L1TD1: variants seen among roughly 807,000 people sequenced by gnomAD.
L1TD1 encodes LINE-1 type transposase domain-containing protein 1.
In L1TD1, 26 loss-of-function variants were observed where a neutral mutation model predicts 25.7. The observed-to-expected ratio is 1.01, with a 90% CI of 0.74 to 1.40. L1TD1 has a LOEUF of 1.40. Ranked by LOEUF, L1TD1 falls within the 40% of genes most tolerant of loss-of-function variation. The pLI is 0.00. For missense variants in L1TD1, 1,130 were observed against 975.0 expected (o/e 1.16, Z -2.12); for synonymous variants, 421 against 335.6 (o/e 1.25, Z -2.78).
At chr1:62,205,389 T>TCTCTCTC (rs1670718755) in intron 2 of L1TD1, among the ~76,000 whole-genome samples, 35 of 60,276 alleles carry the variant, frequency 5.8e-4, no homozygotes, top group African/African-American at 2.0e-3. Flanking sequence ...CTCTCTCTCT[T>TCTCTCTC]TCTCTCTCTC....
At chr1:62,207,806 A>G (rs1670782821) in intron 3 of L1TD1, among the ~76,000 whole-genome samples, 170 bp downstream of exon 3, 2 of 152,056 alleles carry the variant, frequency 1.3e-5, no homozygotes, top group Admixed American at 1.3e-4. Context: ...TCTGCCTCCC[A>G]GGTTCAAGTG....
intron 2 of L1TD1, among the ~76,000 whole-genome samples, chr1:62,199,575 G>C (rs997671715): frequency 6.6e-6 from 1 of 151,342 alleles, no homozygotes; most frequent in African/African-American, 2.4e-5. Flanking sequence ...GTAATTTTCA[G>C]TTTTAAGCCA....
In L1TD1 at chr1:62,206,965, A is replaced by G. The variant is rs146320917; in HGVS notation, c.337A>G (p.Thr113Ala). 100 of 1,613,654 alleles carry G rather than the reference A, an allele frequency of 6.2e-5. No individual in the cohort carries two copies. In the African/African-American group the frequency reaches 1.2e-3, roughly 20 times the overall value. Residue 113 changes from threonine (T) to alanine (A), a missense_variant, in exon 3 of 4, where the codon ACA (threonine) becomes GCA (alanine). By Grantham distance (58) the Thr-to-Ala change is moderately conservative. Transcript: ENST00000498273. ...AATAATCAATTTAGCATTACAAAAA[A>G]CAGGGATGGTAGGGAAAATAGAAGG... is the stretch of plus-strand genomic sequence containing the variant. ...QQIINLALQK[T>A]GMVGKIEGEN...
At chr1:62,203,786 G>A (rs905506280) in intron 2 of L1TD1, among the ~76,000 whole-genome samples, 14 of 152,116 alleles carry the variant, frequency 9.2e-5, no homozygotes, top group Non-Finnish European at 1.6e-4. Flanking sequence ...GGGTTTCACC[G>A]TATTAGCCAG....
chr1:62,200,714 A>T (rs1041260683), intron 2 of L1TD1, among the ~76,000 whole-genome samples: 1 of 151,962 alleles, frequency 6.6e-6, no homozygotes, highest in Non-Finnish European at 1.5e-5. Flanking sequence ...AGGGGAGAGT[A>T]TATGTATTAT....
In L1TD1 at chr1:62,210,282, C is replaced by A; in HGVS notation, c.1508C>A (p.Ser503Ter). The change falls in exon 4 of 4, where the codon TCA becomes TAA. Residue 503 changes from serine to a stop codon, truncating the protein, a stop_gained. Transcript: ENST00000498273. LOFTEE classifies it low-confidence loss of function (END_TRUNC). ...KTTSLTEKKA[S>*]RRQKEIPFSY... ...ACCTCCCTGACTGAGAAAAAAGCCT[C>A]ACGTAGACAAAAAGAAATTCCCTTT... 9 of 1,614,056 alleles carry A rather than the reference C, an allele frequency of 5.6e-6. No homozygotes were observed. The highest frequency in any genetic ancestry group is 7.6e-6 in the Non-Finnish European group (9 of 1,180,004).
chr1:62,199,323 C>T (rs1670598958), intron 2 of L1TD1, among the ~76,000 whole-genome samples: 1 of 152,126 alleles, frequency 6.6e-6, no homozygotes, highest in African/African-American at 2.4e-5. Flanking sequence ...CATGGTGAAA[C>T]CCCGTCTCTA....
At chr1:62,195,904 G>C (rs1343458701) in intron 1 of L1TD1, among the ~76,000 whole-genome samples, 3 of 151,852 alleles carry the variant, frequency 2.0e-5, no homozygotes, top group East Asian at 1.9e-4. Flanking sequence ...GGGTGTGTTG[G>C]CTCGCGCCTG....
intron 2 of L1TD1, among the ~76,000 whole-genome samples, chr1:62,201,587 T>A (rs541614029): frequency 6.6e-6 from 1 of 152,202 alleles, no homozygotes; most frequent in South Asian, 2.1e-4. Context: ...CCCATTTGTT[T>A]AATCTCTCTT....
At position 62,196,418 on chromosome 1, in the gene L1TD1, C is replaced by T. The variant is rs1014653181; in HGVS notation, c.-204-17C>T. On this transcript the variant is annotated splice_polypyrimidine_tract_variant and intron_variant, in intron 1 of 3. Transcript: ENST00000498273. Reference sequence around the variant, plus strand: ...AAACCTTAAACTTTGGTGTTATGAACTTGACTTGAATTCTAGGCACCAAGG... The same window carrying T: ...AAACCTTAAACTTTGGTGTTATGAATTTGACTTGAATTCTAGGCACCAAGG... 6 of 152,120 alleles carry T rather than the reference C, an allele frequency of 3.9e-5. No homozygotes were observed. Among genetic ancestry groups the T allele is most frequent in the Non-Finnish European group, 8.8e-5 (6 of 68,044 alleles). The allele number at this position is 152,120 out of a possible 1,614,324, so 9.4% of individuals were successfully genotyped here.
chr1:62,200,148 A>G (rs1670614105), intron 2 of L1TD1, among the ~76,000 whole-genome samples: 1 of 152,116 alleles, frequency 6.6e-6, no homozygotes, highest in Non-Finnish European at 1.5e-5. Flanking sequence ...ATATCATAAC[A>G]TGGTGTATAT....
In L1TD1 at chr1:62,211,731, C is replaced by T. The variant is rs180993190; in HGVS notation, c.*359C>T. 2.1e-4 allele frequency: 34 copies of T among 162,174 alleles called. No homozygotes were observed. Among genetic ancestry groups the T allele is most frequent in the Admixed American group, 7.0e-4 (12 of 17,026 alleles). 10.0% of individuals were successfully genotyped at this position (162,174 alleles called of 1,614,324 possible). Reference sequence around the variant, plus strand: ...CTGTAATCCCAGCACTTTGGGAGGCCGAGGCGGGTGGATCACGAGGTCAGG... The same window carrying T: ...CTGTAATCCCAGCACTTTGGGAGGCTGAGGCGGGTGGATCACGAGGTCAGG... On this transcript the variant is annotated 3_prime_UTR_variant, in exon 4 of 4. Coordinates refer to ENST00000498273, the MANE Select transcript of L1TD1 (RefSeq NM_019079.5).
Position 62,212,297 on chromosome 1 carries a change from G to A in L1TD1, c.*925G>A, listed in dbSNP as rs1429156508. ...AAGTTTGTATCATTTGTCATGATGT[G>A]ACTCGAATATATTAAATCTTTTTCC... On this transcript the variant is annotated 3_prime_UTR_variant, in exon 4 of 4. Transcript: ENST00000498273. 4 of 146,674 alleles carry A rather than the reference G, an allele frequency of 2.7e-5. No homozygotes were observed. Among genetic ancestry groups the A allele is most frequent in the African/African-American group, 1.0e-4 (4 of 39,842 alleles). The allele number at this position is 146,674 out of a possible 1,614,324, so 9.1% of individuals were successfully genotyped here. A position where few individuals can be genotyped will look rare whatever the true frequency, so the allele number is the denominator to read the frequency against.
At chr1:62,209,220 G>C (rs1343112622) in intron 3 of L1TD1, among the ~76,000 whole-genome samples, 1 of 151,504 alleles carries the variant, frequency 6.6e-6, no homozygotes, top group African/African-American at 2.4e-5. Flanking sequence ...AACTGAGCTT[G>C]TTGTATTCCT....
intron 3 of L1TD1, chr1:62,208,481 C>CT (rs60188410): frequency 0.05 from 6,357 of 126,950 alleles, 217 homozygotes; most frequent in South Asian, 0.14. Context: ...CTGGAAGGGG[C>CT]TTTTTTTTTT....
Position 62,210,463 on chromosome 1 carries a change from G to A in L1TD1, c.1689G>A (p.Glu563=), listed in dbSNP as rs750695998. Residue 563 remains glutamate (E), a synonymous_variant, in exon 4 of 4, where the codon GAG becomes GAA. Transcript: ENST00000498273. ...LCLASPSKSL[E]MSHDEHKKHS... ...TGGCCTCTCCCTCAAAGTCACTAGA[G>A]ATGAGTCATGATGAGCATAAAAAGC... The A allele has an allele frequency of 6.2e-7, 1 of 1,614,022 alleles. No homozygotes were observed. Among genetic ancestry groups the A allele is most frequent in the Admixed American group, 1.7e-5 (1 of 59,976 alleles).
intron 2 of L1TD1, among the ~76,000 whole-genome samples, chr1:62,204,944 TTTTG>T (rs1670706601): frequency 6.6e-6 from 1 of 152,060 alleles, no homozygotes; most frequent in Admixed American, 6.6e-5. Context: ...CCAGGCTAAT[TTTTG>T]TTAGAGACAG....
intron 2 of L1TD1, among the ~76,000 whole-genome samples, chr1:62,202,874 G>T (rs748950282): frequency 1.5e-4 from 23 of 151,754 alleles, no homozygotes; most frequent in Non-Finnish European, 2.9e-4. Flanking sequence ...GTAGAGACAG[G>T]GTTTCACCAT....
In L1TD1 at chr1:62,206,773, T is replaced by A; in HGVS notation, c.145T>A (p.Ser49Thr). 6.4e-7 allele frequency: 1 copy of A among 1,561,864 alleles called. No individual in the cohort carries two copies. The change falls in exon 3 of 4, where the codon TCA becomes ACA. Residue 49 changes from serine to threonine, a missense_variant. Coordinates refer to ENST00000498273, the MANE Select transcript of L1TD1 (RefSeq NM_019079.5). Reference protein sequence around the residue: ...PVLDLKCKDVSAIMNKFKVLM... With the variant: ...PVLDLKCKDVTAIMNKFKVLM... ...ATTAGATTTAAAATGCAAGGACGTA[T>A]CAGCAATTATGAATAAGTTTAAGGT...
Sources: allele counts gnomAD v4.1 joint callset (sites outside exome capture counted in the v4.1 genomes callset), GRCh38; gene constraint gnomAD v4.1.1; transcripts MANE v1.5; gene names NCBI Gene and HGNC (gene_info 2026-07-23, HGNC 2026-07-21).